REEP1: variants seen among roughly 807,000 people sequenced by gnomAD.
REEP1 encodes the protein receptor accessory protein 1.
Under a neutral mutation model 40.3 loss-of-function variants are expected in REEP1, and 22 were observed. The ratio of observed to expected loss-of-function variants is 0.55; its 90% confidence interval spans 0.39 to 0.78. The LOEUF is 0.78. REEP1 is among the 30% of genes least tolerant of loss of function. The pLI is 0.00. For missense variants in REEP1, 280 were observed against 361.1 expected, an observed-to-expected ratio of 0.78 and a Z score of 1.82; for synonymous variants, 116 against 139.2, an observed-to-expected ratio of 0.83 and a Z score of 1.17.
intron 5 of REEP1, among the ~76,000 whole-genome samples, chr2:86,245,762 C>CA (rs1204561825): frequency 6.7e-6 from 1 of 150,114 alleles, no homozygotes; most frequent in Non-Finnish European, 1.5e-5. Flanking sequence ...AACATATACT[C>CA]AATTTTTTTT....
chr2:86,335,787 T>C (rs1680994064), intron 1 of REEP1, among the ~76,000 whole-genome samples: 1 of 148,770 alleles, frequency 6.7e-6, no homozygotes, highest in South Asian at 2.1e-4. Flanking sequence ...AGGCGGAGGC[T>C]TCAGTGAGCC....
chr2:86,254,982 C>T, intron 3 of REEP1, 168 bp from the exon 4 acceptor site: 2 of 678,484 alleles, frequency 2.9e-6, no homozygotes, highest in Non-Finnish European at 5.1e-6. Flanking sequence ...CACACTTGCA[C>T]ACACACAGTA....
intron 1 of REEP1, among the ~76,000 whole-genome samples, chr2:86,300,946 G>C (rs1280869679): frequency 6.6e-6 from 1 of 152,044 alleles, no homozygotes; most frequent in African/African-American, 2.4e-5. Flanking sequence ...CACGCCTCTG[G>C]GTACCACTGA....
chr2:86,332,001 C>T (rs1310363520), intron 1 of REEP1, among the ~76,000 whole-genome samples: 1 of 152,162 alleles, frequency 6.6e-6, no homozygotes, highest in Non-Finnish European at 1.5e-5. Context: ...TTCAAGATTC[C>T]TTCTGAAATC....
At chr2:86,291,482 A>T (rs1380459085) in intron 1 of REEP1, among the ~76,000 whole-genome samples, 1 of 152,012 alleles carries the variant, frequency 6.6e-6, no homozygotes, top group Admixed American at 6.6e-5. Flanking sequence ...TTCCTTTCCC[A>T]GTTGGCTTCA....
chr2:86,239,505 C>T (rs1675555403), intron 5 of REEP1, among the ~76,000 whole-genome samples: 1 of 152,202 alleles, frequency 6.6e-6, no homozygotes, highest in South Asian at 2.1e-4. Context: ...AGCACAACCG[C>T]ATTTCCCACC....
At chr2:86,233,295 T>C (rs72938375) in intron 5 of REEP1, among the ~76,000 whole-genome samples, 10,105 of 152,250 alleles carry the variant, frequency 0.066, 489 homozygotes, top group African/African-American at 0.13. Context: ...ATACAGACAA[T>C]ATTTTTCTAA....
At chr2:86,266,264 T>C (rs1677127017) in intron 2 of REEP1, among the ~76,000 whole-genome samples, 1 of 152,228 alleles carries the variant, frequency 6.6e-6, no homozygotes, top group African/African-American at 2.4e-5. Context: ...TATAAAACAC[T>C]TACAAGAAAA....
chr2:86,216,919 T>G lies in REEP1; in HGVS notation c.*120A>C. 1.3e-6 allele frequency: 1 copy of G among 761,512 alleles called. No homozygotes were observed. Among genetic ancestry groups the G allele is most frequent in the Non-Finnish European group, 2.2e-6 (1 of 446,954 alleles). 47.2% of individuals were successfully genotyped at this position (761,512 alleles called of 1,614,324 possible). ...GTGGAAGGGGAGAGAGAAAAGGCCA[T>G]GTTTGTGAGGCTGCACACTCAAAGC... On this transcript the variant is annotated 3_prime_UTR_variant, in exon 9 of 9. Transcript: ENST00000538924.
chr2:86,315,305 C>T (rs976062909), intron 1 of REEP1, among the ~76,000 whole-genome samples: 2 of 152,176 alleles, frequency 1.3e-5, no homozygotes, highest in Non-Finnish European at 2.9e-5. Context: ...AGTCCGGGGC[C>T]AGATAGTGTT....
intron 1 of REEP1, among the ~76,000 whole-genome samples, chr2:86,316,901 G>T (rs534781293): frequency 6.6e-6 from 1 of 152,168 alleles, no homozygotes; most frequent in South Asian, 2.1e-4. Context: ...CATGGTTTCG[G>T]GCAGTATCAG....
intron 5 of REEP1, among the ~76,000 whole-genome samples, chr2:86,233,103 G>A (rs1220832703): frequency 6.6e-6 from 1 of 152,144 alleles, no homozygotes; most frequent in Admixed American, 6.5e-5. Flanking sequence ...ACAGACCCAG[G>A]GCCAAGGGCG....
At chr2:86,246,681 TTCTC>T (rs985188531) in intron 5 of REEP1, among the ~76,000 whole-genome samples, 2 of 149,296 alleles carry the variant, frequency 1.3e-5, no homozygotes, top group African/African-American at 4.9e-5. Flanking sequence ...TTCTTTTTCT[TTCTC>T]TCTTTCTTTT....
chr2:86,332,851 C>G (rs1680840028), intron 1 of REEP1, among the ~76,000 whole-genome samples: 1 of 152,218 alleles, frequency 6.6e-6, no homozygotes, highest in South Asian at 2.1e-4. Context: ...TACAGGCCAG[C>G]TGGGGAAGGA....
chr2:86,337,678 C>A (rs1348743812), upstream of REEP1: 1 of 1,004,440 alleles, frequency 1.0e-6, no homozygotes, highest in Non-Finnish European at 1.2e-6. This position sits in a 1 kb window ranked among gnomAD's most constrained non-coding sequence, Gnocchi z 5.8. Context: ...AGCCGCGGCA[C>A]GTTCTGGCGG....
chr2:86,277,066 T>C (rs1005399831), intron 2 of REEP1, among the ~76,000 whole-genome samples: 3 of 152,160 alleles, frequency 2.0e-5, no homozygotes, highest in African/African-American at 2.4e-5. Context: ...GAGACTTATA[T>C]TGTCTCCTGG....
intron 2 of REEP1, among the ~76,000 whole-genome samples, chr2:86,273,167 A>G (rs1263072894): frequency 4.0e-5 from 6 of 151,498 alleles, no homozygotes; most frequent in Non-Finnish European, 8.8e-5. Context: ...TCTTAAACCT[A>G]AAGCGGGTGA....
chr2:86,228,801 A>G (rs748956949), intron 6 of REEP1, among the ~76,000 whole-genome samples: 1 of 151,602 alleles, frequency 6.6e-6, no homozygotes, highest in Non-Finnish European at 1.5e-5. Flanking sequence ...CCCACACCCC[A>G]CTCACATTCT....
chr2:86,257,928 A>G (rs1406620106), intron 3 of REEP1, among the ~76,000 whole-genome samples: 2 of 152,012 alleles, frequency 1.3e-5, no homozygotes, highest in African/African-American at 2.4e-5. Flanking sequence ...GGCCTATCTC[A>G]CTCATCTTAA....
Sources: allele counts gnomAD v4.1 joint callset (sites outside exome capture counted in the v4.1 genomes callset), GRCh38; gene constraint gnomAD v4.1.1; non-coding constraint Gnocchi (gnomAD v3.1); transcripts MANE v1.5; gene names NCBI Gene and HGNC (gene_info 2026-07-23, HGNC 2026-07-21).